SLC5A1: variants seen among roughly 807,000 people sequenced by gnomAD.
The protein encoded by SLC5A1 is solute carrier family 5 member 1.
SLC5A1 carries 42 observed loss-of-function variants against 73.5 expected under a neutral mutation model. That is an observed-to-expected ratio of 0.57 (90% CI 0.45 to 0.74). The LOEUF (loss-of-function observed/expected upper bound fraction) is 0.74. SLC5A1 is among the 30% of genes least tolerant of loss of function. SLC5A1 has a pLI of 0.00. For synonymous variants in SLC5A1, 300 were observed against 317.4 expected (o/e 0.95, Z 0.58); for missense variants, 634 against 855.4 (o/e 0.74, Z 3.23).
intron 2 of SLC5A1, among the ~76,000 whole-genome samples, chr22:32,061,843 A>G (rs1391048329): frequency 6.6e-6 from 1 of 152,188 alleles, no homozygotes; most frequent in Non-Finnish European, 1.5e-5. Flanking sequence ...GGAATAGTCT[A>G]TTCAGGTCTG....
At chr22:32,103,678 A>G (rs890341786) in intron 13 of SLC5A1, among the ~76,000 whole-genome samples, 1 of 152,266 alleles carries the variant, frequency 6.6e-6, no homozygotes, top group Non-Finnish European at 1.5e-5. Flanking sequence ...ATACCTAGTT[A>G]CAAAAATCAG....
At chr22:32,059,833 T>C (rs1051003281) in intron 2 of SLC5A1, among the ~76,000 whole-genome samples, 3 of 152,086 alleles carry the variant, frequency 2.0e-5, no homozygotes, top group Non-Finnish European at 2.9e-5. Flanking sequence ...TCGAAATATC[T>C]TTGCTTTCAT....
At chr22:32,063,436 C>T (rs1208068902) in intron 2 of SLC5A1, among the ~76,000 whole-genome samples, 1 of 152,148 alleles carries the variant, frequency 6.6e-6, no homozygotes, top group Non-Finnish European at 1.5e-5. Context: ...TCTAATCACC[C>T]AGAGAGTAAG....
intron 14 of SLC5A1, among the ~76,000 whole-genome samples, chr22:32,105,302 T>C (rs1265340432): frequency 6.6e-6 from 1 of 151,186 alleles, no homozygotes; most frequent in Non-Finnish European, 1.5e-5. Flanking sequence ...TTTTTTTTTT[T>C]TTTTTTTTGA....
At chr22:32,060,223 C>T (rs1057357922) in intron 2 of SLC5A1, among the ~76,000 whole-genome samples, 3 of 150,484 alleles carry the variant, frequency 2.0e-5, no homozygotes, top group Admixed American at 2.0e-4. Context: ...TGGAACTTTG[C>T]TCTTGTTGCC....
chr22:32,110,393 T>G lies in SLC5A1; in HGVS notation c.*180T>G. On this transcript the variant is annotated 3_prime_UTR_variant, in exon 15 of 15. Coordinates refer to ENST00000266088, the MANE Select transcript of SLC5A1 (RefSeq NM_000343.4). ...CATTAGTTTGCTGTTAATTTATGCATTTGAAGCCAGTGTGATACAGCCATC... is the reference window on the plus strand; with the variant it reads ...CATTAGTTTGCTGTTAATTTATGCAGTTGAAGCCAGTGTGATACAGCCATC... 1.5e-6 allele frequency: 1 copy of G among 657,468 alleles called. No homozygotes were observed. The highest frequency in any genetic ancestry group is 2.8e-6 in the Non-Finnish European group (1 of 361,490). 40.7% of individuals were successfully genotyped at this position (657,468 alleles called of 1,614,324 possible). A position where few individuals can be genotyped will look rare whatever the true frequency, so the allele number is the denominator to read the frequency against.
intron 1 of SLC5A1, among the ~76,000 whole-genome samples, chr22:32,045,795 T>G (rs2093936369): frequency 6.6e-6 from 1 of 152,236 alleles, no homozygotes; most frequent in African/African-American, 2.4e-5. Context: ...TCTCTGACCT[T>G]ATTCTTCCTG....
chr22:32,090,114 A>G (rs994861377), intron 10 of SLC5A1, among the ~76,000 whole-genome samples: 1 of 151,954 alleles, frequency 6.6e-6, no homozygotes, highest in Admixed American at 6.6e-5. Context: ...AAAAAAAAAA[A>G]AAACAAAAAA....
At chr22:32,062,743 G>A (rs543802925) in intron 2 of SLC5A1, among the ~76,000 whole-genome samples, 3 of 152,166 alleles carry the variant, frequency 2.0e-5, no homozygotes, top group African/African-American at 2.4e-5. Context: ...AGTGGACAGA[G>A]AAAATGTTTG....
In SLC5A1 at chr22:32,068,628, C is replaced by T. The variant is rs376137380; in HGVS notation, c.477+28C>T. 4.7e-6 allele frequency: 7 copies of T among 1,481,578 alleles called. No individual in the cohort carries two copies. In the African/African-American group the frequency reaches 8.3e-5, roughly 18 times the overall value. The allele number at this position is 1,481,578 out of a possible 1,614,324, so 91.8% of individuals were successfully genotyped here. Reference sequence around the variant, plus strand: ...GAGTCCACTGCCCCAGAGGGCTGGGCTGTCTCAGAAGCTGCCACTCTCATT... The same window carrying T: ...GAGTCCACTGCCCCAGAGGGCTGGGTTGTCTCAGAAGCTGCCACTCTCATT... On this transcript the variant is annotated intron_variant, in intron 5 of 14. Transcript: ENST00000266088.
At chr22:32,044,420 C>G (rs1197626191) in intron 1 of SLC5A1, among the ~76,000 whole-genome samples, 2 of 151,996 alleles carry the variant, frequency 1.3e-5, no homozygotes, top group African/African-American at 4.8e-5. Flanking sequence ...GCTGTAGCAG[C>G]TGGTGATTGT....
intron 12 of SLC5A1, among the ~76,000 whole-genome samples, chr22:32,099,723 A>G (rs1229319356): frequency 1.3e-5 from 2 of 152,070 alleles, no homozygotes. Context: ...TAGATTTTCT[A>G]TCTAATCTTG....
intron 1 of SLC5A1, among the ~76,000 whole-genome samples, chr22:32,047,538 G>A (rs771432740): frequency 6.6e-6 from 1 of 151,590 alleles, no homozygotes; most frequent in Non-Finnish European, 1.5e-5. Context: ...TGCTACAGAG[G>A]ACTTCACAGT....
chr22:32,071,773 A>G (rs1470752544), intron 5 of SLC5A1, among the ~76,000 whole-genome samples: 3 of 152,210 alleles, frequency 2.0e-5, no homozygotes, highest in African/African-American at 7.2e-5. Flanking sequence ...TGTGAGTTGG[A>G]TTGGATCTGA....
At position 32,082,084 on chromosome 22, in the gene SLC5A1, G is replaced by A. The variant is rs1395868779; in HGVS notation, c.583+113G>A. The A allele has an allele frequency of 1.2e-5, 9 of 774,224 alleles. No homozygotes were observed. The African/African-American group carries it at 1.2e-4, about 10-fold the overall frequency. The allele number at this position is 774,224 out of a possible 1,614,324, so 48.0% of individuals were successfully genotyped here. On this transcript the variant is annotated intron_variant, in intron 6 of 14. Coordinates refer to ENST00000266088, the MANE Select transcript of SLC5A1 (RefSeq NM_000343.4). ...CTCTTCTTGAGGAGAGATACACTCA[G>A]GTAAGAGTTTGGGAGTGAGGTATTT...
At chr22:32,063,168 C>A (rs748290454) in intron 2 of SLC5A1, among the ~76,000 whole-genome samples, 3 of 152,152 alleles carry the variant, frequency 2.0e-5, no homozygotes, top group Non-Finnish European at 4.4e-5. Context: ...CCTAAAAGCC[C>A]TATCTCCAAA....
intron 1 of SLC5A1, among the ~76,000 whole-genome samples, chr22:32,049,154 T>TATATATAATCATTA: frequency 7.7e-6 from 1 of 130,278 alleles, no homozygotes; most frequent in East Asian, 2.0e-4. Flanking sequence ...ATAATCTATA[T>TATATATAATCATTA]TATATATAAT....
intron 14 of SLC5A1, among the ~76,000 whole-genome samples, chr22:32,108,790 C>T (rs1041859062): frequency 3.3e-5 from 5 of 152,038 alleles, no homozygotes; most frequent in Non-Finnish European, 7.4e-5. Context: ...TTAACAAGAC[C>T]ATAAAGCCAG....
intron 13 of SLC5A1, among the ~76,000 whole-genome samples, chr22:32,103,595 A>T (rs766419035): frequency 6.6e-6 from 1 of 152,254 alleles, no homozygotes; most frequent in African/African-American, 2.4e-5. Context: ...TTAGAAGCCT[A>T]TGTTCCAAAT....
Sources: allele counts gnomAD v4.1 joint callset (sites outside exome capture counted in the v4.1 genomes callset), GRCh38; gene constraint gnomAD v4.1.1; transcripts MANE v1.5; gene names NCBI Gene and HGNC (gene_info 2026-07-23, HGNC 2026-07-21).